The following SIL1 variants were observed in gnomAD, a reference collection of about 807,000 sequenced individuals.
SIL1 encodes SIL1 nucleotide exchange factor, also known as nucleotide exchange factor SIL1.
SIL1 carries 40 observed loss-of-function variants against 49.1 expected under a neutral mutation model. That is an observed-to-expected ratio of 0.81 (90% confidence interval 0.63 to 1.06). The LOEUF (loss-of-function observed/expected upper bound fraction) is 1.06, where lower values mean the gene tolerates loss of function less well. Ranked by LOEUF, SIL1 falls within the 50% of genes least tolerant of loss-of-function variation. SIL1 has a pLI of 0.00. For synonymous variants in SIL1, 253 were observed against 250.8 expected (o/e 1.01, Z -0.08); for missense variants, 500 against 572.6 (o/e 0.87, Z 1.29).
intron 7 of SIL1, among the ~76,000 whole-genome samples, chr5:138,969,199 C>G (rs910722454): frequency 1.3e-5 from 2 of 152,134 alleles, no homozygotes; most frequent in South Asian, 4.1e-4. Context: ...CTGAAATCAC[C>G]TCTAGTAGGT....
At chr5:139,194,181 G>T (rs903780785) in intron 1 of SIL1, among the ~76,000 whole-genome samples, 1 of 152,218 alleles carries the variant, frequency 6.6e-6, no homozygotes, top group African/African-American at 2.4e-5. Context: ...ATATAGTTTT[G>T]TTGCTACTGG....
intron 1 of SIL1, among the ~76,000 whole-genome samples, chr5:139,180,148 G>C (rs922559231): frequency 6.6e-6 from 1 of 150,972 alleles, no homozygotes; most frequent in African/African-American, 2.4e-5. Context: ...TGGATCACTT[G>C]AGGCCAGGCG....
At chr5:139,017,889 G>C (rs1768435073) in intron 7 of SIL1, among the ~76,000 whole-genome samples, 1 of 152,144 alleles carries the variant, frequency 6.6e-6, no homozygotes, top group African/African-American at 2.4e-5. Context: ...GATTAAATCA[G>C]GTCACAGAAA....
intron 1 of SIL1, among the ~76,000 whole-genome samples, chr5:139,162,844 A>C (rs999362834): frequency 2.6e-5 from 4 of 152,110 alleles, no homozygotes; most frequent in Admixed American, 2.0e-4. Flanking sequence ...AGTCAACAAG[A>C]AGCAGAAAAG....
In SIL1 at chr5:138,984,481, C is replaced by G. The variant is rs113444774; in HGVS notation, c.768-32597G>C. Among the ~76,000 whole-genome samples, 294 of 152,114 alleles carry G rather than the reference C, an allele frequency of 1.9e-3. 2 individuals carry two copies. The highest frequency in any genetic ancestry group is 6.7e-3 in the African/African-American group (279 of 41,500). On this transcript the variant is annotated intron_variant, in intron 7 of 9. Coordinates refer to ENST00000394817, the MANE Select transcript of SIL1 (RefSeq NM_022464.5). The stretch of plus-strand genomic sequence containing the variant: ...TCAAGCGATTCTCCTGCCTCAGCCT[C>G]CCAAACAGCTGGGACTACAGGCATG...
chr5:139,168,293 C>T (rs1751663914), intron 1 of SIL1, among the ~76,000 whole-genome samples: 1 of 152,222 alleles, frequency 6.6e-6, no homozygotes, highest in Admixed American at 6.5e-5. Flanking sequence ...CTGGAAACAA[C>T]TGAAGCCTTG....
At chr5:139,144,048 G>C (rs1751145392) in intron 1 of SIL1, among the ~76,000 whole-genome samples, 1 of 152,234 alleles carries the variant, frequency 6.6e-6, no homozygotes, top group Non-Finnish European at 1.5e-5. Context: ...GCAATACGCA[G>C]ATGCAACGCA....
At chr5:139,127,685 G>A in intron 2 of SIL1, 54 bp downstream of exon 2, 2 of 1,412,040 alleles carry the variant, frequency 1.4e-6, no homozygotes, top group South Asian at 1.2e-5. Flanking sequence ...GTGACAGGGA[G>A]GCCTTCTCAA....
intron 9 of SIL1, among the ~76,000 whole-genome samples, chr5:138,950,889 T>A (rs1484137530): frequency 2.6e-5 from 4 of 152,218 alleles, no homozygotes; most frequent in Admixed American, 2.0e-4. Flanking sequence ...CTCCAAGGCT[T>A]GCCTCATACT....
At chr5:139,154,961 C>G (rs1751379701) in intron 1 of SIL1, among the ~76,000 whole-genome samples, 2 of 152,108 alleles carry the variant, frequency 1.3e-5, no homozygotes, top group East Asian at 1.9e-4. Flanking sequence ...GTATGAAAAA[C>G]AAGATTGAAA....
At chr5:139,168,320 G>A (rs1354775264) in intron 1 of SIL1, among the ~76,000 whole-genome samples, 1 of 152,214 alleles carries the variant, frequency 6.6e-6, no homozygotes, top group Non-Finnish European at 1.5e-5. Flanking sequence ...CCAGGGAAAG[G>A]CCTTGATGGC....
intron 1 of SIL1, among the ~76,000 whole-genome samples, chr5:139,174,839 G>A (rs1379021313): frequency 6.7e-6 from 1 of 148,560 alleles, no homozygotes; most frequent in African/African-American, 2.5e-5. Context: ...TCAGGAGGCT[G>A]AGCCAGGAGA....
At chr5:138,966,641 C>T (rs77599843) in intron 7 of SIL1, among the ~76,000 whole-genome samples, 3,279 of 152,222 alleles carry the variant, frequency 0.022, 123 homozygotes, top group African/African-American at 0.076. Flanking sequence ...AAAAAACCCG[C>T]AGCCCCTCAT....
At chr5:139,177,143 G>A (rs1467079612) in intron 1 of SIL1, among the ~76,000 whole-genome samples, 9 of 151,980 alleles carry the variant, frequency 5.9e-5, no homozygotes, top group Middle Eastern at 3.4e-3. Flanking sequence ...CATGTTAGCC[G>A]GGATGGTCTC....
intron 7 of SIL1, among the ~76,000 whole-genome samples, chr5:138,971,260 T>C (rs145014919): frequency 6.6e-6 from 1 of 152,096 alleles, no homozygotes; most frequent in African/African-American, 2.4e-5. Context: ...TAATTGACTA[T>C]CTGGGGCTGG....
Position 138,947,517 on chromosome 5 carries a change from G to GA in SIL1, c.1030-45dup, listed in dbSNP as rs569546464. 664 of 1,563,504 alleles carry GA rather than the reference G, an allele frequency of 4.2e-4. No homozygotes were observed. Among genetic ancestry groups the GA allele is most frequent in the Admixed American group, 8.0e-4 (48 of 59,956 alleles). On this transcript the variant is annotated intron_variant, in intron 9 of 9. Transcript: ENST00000394817. This position sits in a 1 kb window ranked among gnomAD's most constrained non-coding sequence, Gnocchi z 4.1. ...GCAGGCCAGGTAGGGTGGGGGTGGG[G>GA]AGAGAACACACAGGGAGCAGTTAGC...
intron 3 of SIL1, among the ~76,000 whole-genome samples, chr5:139,100,397 G>A (rs1770561030): frequency 1.3e-5 from 2 of 152,198 alleles, no homozygotes. Context: ...ATATAAGGGA[G>A]AGTAGCAGCA....
intron 7 of SIL1, among the ~76,000 whole-genome samples, chr5:139,004,827 C>T (rs1242870350): frequency 6.6e-6 from 1 of 152,138 alleles, no homozygotes; most frequent in Non-Finnish European, 1.5e-5. Context: ...AACTAGAGGA[C>T]ATTATGTTAA....
intron 4 of SIL1, 34 bp downstream of exon 4, chr5:139,050,904 C>T (rs1554129323): frequency 1.9e-6 from 3 of 1,552,878 alleles, no homozygotes; most frequent in South Asian, 1.1e-5. Context: ...AACGTTATCA[C>T]TTAGCCTCCC....
Sources: gnomAD v4.1 joint callset for allele counts (sites outside exome capture counted in the v4.1 genomes callset) on GRCh38, gnomAD v4.1.1 for gene constraint, Gnocchi (gnomAD v3.1) non-coding constraint, MANE v1.5 for transcripts, NCBI Gene and HGNC (gene_info 2026-07-23, HGNC 2026-07-21) for gene names.